The following PTPRQ variants were observed in gnomAD, a reference collection of about 807,000 sequenced individuals.
PTPRQ encodes the protein protein tyrosine phosphatase receptor type Q.
Under a neutral mutation model 246.0 loss-of-function variants are expected in PTPRQ, and 199 were observed. That is an observed-to-expected ratio of 0.81 (90% confidence interval 0.72 to 0.91). PTPRQ has a LOEUF of 0.91. PTPRQ is among the 40% of genes least tolerant of loss of function. The pLI is 0.00. For synonymous variants in PTPRQ, 869 were observed against 853.2 expected (o/e 1.02, Z -0.32); for missense variants, 2,624 against 2,528.4 (o/e 1.04, Z -0.81).
At chr12:80,597,703 T>C (rs2121054589) in intron 26 of PTPRQ, among the ~76,000 whole-genome samples, 1 of 152,056 alleles carries the variant, frequency 6.6e-6, no homozygotes, top group East Asian at 1.9e-4. Context: ...TATAGAGCAG[T>C]GATTCTTAAA....
chr12:80,619,316 G>A, intron 30 of PTPRQ, 68 bp from the exon 31 acceptor site: 1 of 1,487,816 alleles, frequency 6.7e-7, no homozygotes, highest in South Asian at 1.3e-5. Flanking sequence ...CATGAAAGGA[G>A]AAAGATTTTT....
At chr12:80,469,307 T>A (rs1004177278) in intron 7 of PTPRQ, among the ~76,000 whole-genome samples, 14 of 152,244 alleles carry the variant, frequency 9.2e-5, no homozygotes, top group African/African-American at 3.4e-4. Context: ...TAAAACTGCT[T>A]TAAAAAAGAA....
intron 5 of PTPRQ, among the ~76,000 whole-genome samples, chr12:80,459,702 TC>T (rs1893090486): frequency 6.6e-6 from 1 of 152,178 alleles, no homozygotes; most frequent in Non-Finnish European, 1.5e-5. Flanking sequence ...GTTTGAGAAT[TC>T]AAGAGTGAGG....
At chr12:80,585,877 TC>T (rs1481335688) in intron 25 of PTPRQ, among the ~76,000 whole-genome samples, 2 of 77,656 alleles carry the variant, frequency 2.6e-5, no homozygotes, top group Admixed American at 1.6e-4. Flanking sequence ...ATGCTATCCC[TC>T]CCCCCTCCCC....
At chr12:80,570,232 T>A (rs1897105918) in intron 25 of PTPRQ, among the ~76,000 whole-genome samples, 1 of 152,206 alleles carries the variant, frequency 6.6e-6, no homozygotes, top group African/African-American at 2.4e-5. Flanking sequence ...CTCCACATCC[T>A]CTCCAGCATC....
intron 38 of PTPRQ, among the ~76,000 whole-genome samples, chr12:80,654,567 G>T (rs568160612): frequency 7.9e-5 from 12 of 152,108 alleles, no homozygotes; most frequent in East Asian, 5.8e-4. Context: ...AGAATTAATG[G>T]CCTGGCGCGG....
intron 25 of PTPRQ, among the ~76,000 whole-genome samples, chr12:80,562,215 G>T (rs1050029402): frequency 6.6e-6 from 1 of 151,884 alleles, no homozygotes; most frequent in African/African-American, 2.4e-5. Flanking sequence ...AAGGATTTTT[G>T]CATCTATATT....
chr12:80,601,453 C>T (rs1377145996), intron 26 of PTPRQ, among the ~76,000 whole-genome samples: 2 of 151,804 alleles, frequency 1.3e-5, no homozygotes, highest in East Asian at 3.9e-4. Flanking sequence ...TAGTGCCTAG[C>T]ACATAGTAAG....
intron 26 of PTPRQ, 142 bp downstream of exon 26, chr12:80,588,594 A>T (rs1435179245): frequency 1.0e-6 from 1 of 993,434 alleles, no homozygotes; most frequent in Non-Finnish European, 1.3e-6. Context: ...ATAACGACAT[A>T]TTTAGTTTTA....
At chr12:80,589,934 C>A (rs754729831) in intron 26 of PTPRQ, among the ~76,000 whole-genome samples, 7 of 152,122 alleles carry the variant, frequency 4.6e-5, no homozygotes, top group Admixed American at 1.3e-4. Context: ...CAGCACACAA[C>A]CCCAAGGAGA....
chr12:80,473,045 A>ACGCG (rs10641262), intron 8 of PTPRQ, among the ~76,000 whole-genome samples: 1,693 of 92,370 alleles, frequency 0.018, 22 homozygotes, highest in African/African-American at 0.039. Context: ...ACTCACACAC[A>ACGCG]CGCACACACA....
At chr12:80,557,655 T>G (rs1896682313) in intron 25 of PTPRQ, among the ~76,000 whole-genome samples, 1 of 152,140 alleles carries the variant, frequency 6.6e-6, no homozygotes, top group Non-Finnish European at 1.5e-5. Context: ...CTAAACATTT[T>G]AAAGATAGTT....
intron 25 of PTPRQ, among the ~76,000 whole-genome samples, chr12:80,565,500 T>C (rs1292203481): frequency 1.3e-5 from 2 of 152,242 alleles, no homozygotes; most frequent in African/African-American, 2.4e-5. Flanking sequence ...CCTATTTTTT[T>C]TCTTATTCTC....
At chr12:80,479,581 C>G (rs1248594981) in intron 8 of PTPRQ, among the ~76,000 whole-genome samples, 2 of 144,076 alleles carry the variant, frequency 1.4e-5, no homozygotes, top group Non-Finnish European at 3.0e-5. Context: ...CACAGACTGG[C>G]AAATTGGATA....
chr12:80,639,339 T>C (rs1210307608), intron 35 of PTPRQ, among the ~76,000 whole-genome samples: 4 of 152,074 alleles, frequency 2.6e-5, no homozygotes, highest in Admixed American at 2.6e-4. Flanking sequence ...TAAAACAACA[T>C]TAATCAATGT....
intron 6 of PTPRQ, chr12:80,465,567 G>A (rs1399456525): frequency 6.6e-6 from 1 of 152,206 alleles, no homozygotes; most frequent in Non-Finnish European, 1.5e-5. Flanking sequence ...GAGAATTTTA[G>A]ACCAATATCC....
At chr12:80,476,227 C>T (rs894400755) in intron 8 of PTPRQ, among the ~76,000 whole-genome samples, 1 of 152,142 alleles carries the variant, frequency 6.6e-6, no homozygotes, top group Non-Finnish European at 1.5e-5. Context: ...TGTTATTTTA[C>T]ACCACACAAT....
At chr12:80,492,983 C>T (rs1198314520) in intron 9 of PTPRQ, among the ~76,000 whole-genome samples, 4 of 151,826 alleles carry the variant, frequency 2.6e-5, no homozygotes, top group Admixed American at 6.6e-5. Flanking sequence ...TGCATGAGGA[C>T]GTCTTATCTT....
intron 9 of PTPRQ, among the ~76,000 whole-genome samples, chr12:80,490,944 A>G (rs1368675509): frequency 6.6e-6 from 1 of 151,976 alleles, no homozygotes; most frequent in Non-Finnish European, 1.5e-5. Flanking sequence ...GTTAAGTGTG[A>G]GAAATATTTG....
Sources: gnomAD v4.1 joint callset for allele counts (sites outside exome capture counted in the v4.1 genomes callset) on GRCh38, gnomAD v4.1.1 for gene constraint, MANE v1.5 for transcripts, NCBI Gene and HGNC (gene_info 2026-07-23, HGNC 2026-07-21) for gene names.